ADCY5: variants seen among roughly 807,000 people sequenced by gnomAD.
The protein encoded by ADCY5 is adenylate cyclase 5.
Under a neutral mutation model 119.7 loss-of-function variants are expected in ADCY5, and 30 were observed. That is an observed-to-expected ratio of 0.25 (90% confidence interval 0.19 to 0.34). The LOEUF (loss-of-function observed/expected upper bound fraction) is 0.34. Among genes scored for constraint, ADCY5 ranks in the 10% least tolerant of loss-of-function variants. The probability of loss-of-function intolerance (pLI) is 1.00; values close to 1 mark genes in which losing one functional copy is unlikely to be tolerated. For missense variants in ADCY5, 1,324 were observed against 1,775.2 expected (o/e 0.75, Z 4.57); for synonymous variants, 753 against 762.2 (o/e 0.99, Z 0.20).
Position 123,296,183 on chromosome 3 carries a change from C to A in ADCY5, c.2964G>T (p.Val988=), listed in dbSNP as rs768701782. Residue 988 remains valine (V), a synonymous_variant, in exon 17 of 21, where the codon GTG becomes GTT. Transcript: ENST00000462833. ...AGACTGAGATGATGATGGGCGTCAC[C>A]ACCTTCAATGCCACCTTGGTTGCAT... The part of the protein sequence containing the change: ...PEHATKVALK[V]VTPIIISVFV... 2.5e-6 allele frequency: 4 copies of A among 1,613,944 alleles called. No homozygotes were observed. The highest frequency in any genetic ancestry group is 2.2e-5 in the South Asian group (2 of 91,072).
Position 123,374,802 on chromosome 3 carries a change from A to G in ADCY5, c.1135-22221T>C, listed in dbSNP as rs557803365. ...GAGGGATGAATCCAATAGATTCTAT[A>G]AGGGAAGTACTGGCAAGATTTGGGA... is the stretch of plus-strand genomic sequence containing the variant. On this transcript the variant is annotated intron_variant, in intron 1 of 20. Transcript: ENST00000462833. Among the ~76,000 whole-genome samples, 3 of 152,312 alleles carry G rather than the reference A, an allele frequency of 2.0e-5. No individual in the cohort carries two copies. In the East Asian group the frequency reaches 5.8e-4, roughly 29 times the overall value.
chr3:123,345,908 A>T (rs1372402428), intron 3 of ADCY5, among the ~76,000 whole-genome samples: 1 of 152,150 alleles, frequency 6.6e-6, no homozygotes, highest in Non-Finnish European at 1.5e-5. Flanking sequence ...GGCACGTAAA[A>T]ACATCTGTCT....
intron 1 of ADCY5, among the ~76,000 whole-genome samples, chr3:123,365,667 G>T (rs1943412342): frequency 6.6e-6 from 1 of 152,220 alleles, no homozygotes; most frequent in Non-Finnish European, 1.5e-5. Context: ...GCAAGAGTAG[G>T]AAAGTCAACA....
rs561841521 is a variant in ADCY5, at chr3:123,372,212, G to A, written c.1135-19631C>T. On this transcript the variant is annotated intron_variant, in intron 1 of 20. Transcript: ENST00000462833. ...TCGAGGGCCCTAAACATTGATGCTCGTAATCCTAGCTGCCAAAGGACAGGC... is the reference window on the plus strand; with the variant it reads ...TCGAGGGCCCTAAACATTGATGCTCATAATCCTAGCTGCCAAAGGACAGGC... Among the ~76,000 whole-genome samples, 43 of 152,142 alleles carry A rather than the reference G, an allele frequency of 2.8e-4. No individual in the cohort carries two copies. In the South Asian group the frequency reaches 8.3e-3, roughly 29 times the overall value.
intron 1 of ADCY5, among the ~76,000 whole-genome samples, chr3:123,373,001 A>G (rs532560685): frequency 6.6e-6 from 1 of 152,318 alleles, no homozygotes; most frequent in South Asian, 2.1e-4. Context: ...TGGCAATGCA[A>G]CACTCAACCA....
At chr3:123,369,618 G>C (rs1943564374) in intron 1 of ADCY5, among the ~76,000 whole-genome samples, 1 of 152,192 alleles carries the variant, frequency 6.6e-6, no homozygotes, top group Non-Finnish European at 1.5e-5. Context: ...CCCCAGAAGA[G>C]ATTGAGTCTA....
chr3:123,396,799 C>CG lies in ADCY5; in HGVS notation c.1135-44219_1135-44218insC, dbSNP rs1224492813. On this transcript the variant is annotated intron_variant, in intron 1 of 20. Transcript: ENST00000462833. Reference sequence around the variant, plus strand: ...GAAGGAAGGCAGGCAGGCAGGCAGGCAGGCAGGCAGGCAGGCAGGCGAGAG... The same window carrying CG: ...GAAGGAAGGCAGGCAGGCAGGCAGGCGAGGCAGGCAGGCAGGCAGGCGAGAG... Among the ~76,000 whole-genome samples, 764 of 92,272 alleles carry CG rather than the reference C, an allele frequency of 8.3e-3. 26 individuals are homozygous for CG. Among genetic ancestry groups the CG allele is most frequent in the African/African-American group, 0.025 (718 of 28,698 alleles). 60.5% of individuals were successfully genotyped at this position (92,272 alleles called of 152,430 possible). A position where few individuals can be genotyped will look rare whatever the true frequency, so the allele number is the denominator to read the frequency against.
rs936877089 is a variant in ADCY5 at position 123,424,665 on chromosome 3, C to T, written c.1134+22747G>A. On this transcript the variant is annotated intron_variant, in intron 1 of 20. Transcript: ENST00000462833. Reference sequence around the variant, plus strand: ...TTCCTCCAGCCTTACCCAGAATGACCGTCCTCCTGATGGCTTCTCCTTCTC... The same window carrying T: ...TTCCTCCAGCCTTACCCAGAATGACTGTCCTCCTGATGGCTTCTCCTTCTC... Among the ~76,000 whole-genome samples, 7 of 152,160 alleles carry T rather than the reference C, an allele frequency of 4.6e-5. No individual in the cohort carries two copies. In the East Asian group the frequency reaches 7.7e-4, roughly 17 times the overall value.
chr3:123,325,970 T>G (rs1311755300), intron 7 of ADCY5, among the ~76,000 whole-genome samples: 1 of 152,172 alleles, frequency 6.6e-6, no homozygotes, highest in Non-Finnish European at 1.5e-5. Flanking sequence ...ACTTGGTCCC[T>G]GGCAGGCTGT....
intron 1 of ADCY5, among the ~76,000 whole-genome samples, chr3:123,368,699 T>C (rs916669269): frequency 6.0e-5 from 9 of 150,768 alleles, no homozygotes; most frequent in African/African-American, 2.2e-4. Context: ...TTGCAGTGAG[T>C]TTAGATGGTG....
Position 123,282,861 on chromosome 3 carries a change from C to A in ADCY5, c.*1747G>T, listed in dbSNP as rs1454432682. The A allele has an allele frequency of 1.3e-5, 2 of 152,136 alleles. No individual in the cohort carries two copies. 9.4% of individuals were successfully genotyped at this position (152,136 alleles called of 1,614,324 possible). A position where few individuals can be genotyped will look rare whatever the true frequency, so the allele number is the denominator to read the frequency against. ...AGCTGGCACAGAGCCACTGCCTCAT[C>A]ACCTCCAAGCTCATGTTGGAGGTGA... On this transcript the variant is annotated 3_prime_UTR_variant, in exon 21 of 21. Coordinates refer to ENST00000462833, the MANE Select transcript of ADCY5 (RefSeq NM_183357.3).
intron 1 of ADCY5, among the ~76,000 whole-genome samples, chr3:123,414,562 A>G (rs1365592488): frequency 6.6e-6 from 1 of 151,134 alleles, no homozygotes; most frequent in East Asian, 1.9e-4. Flanking sequence ...CTTATGGCTT[A>G]CCTTTTTTTT....
intron 3 of ADCY5, among the ~76,000 whole-genome samples, chr3:123,343,586 T>C (rs1942384256): frequency 6.6e-6 from 1 of 152,134 alleles, no homozygotes; most frequent in Non-Finnish European, 1.5e-5. Flanking sequence ...GTATGGCGCC[T>C]TCTCTGGCTG....
intron 1 of ADCY5, among the ~76,000 whole-genome samples, chr3:123,359,271 A>G (rs1232322292): frequency 6.7e-6 from 1 of 148,644 alleles, no homozygotes; most frequent in African/African-American, 2.5e-5. Flanking sequence ...CAGACAAACA[A>G]CACGTACATC....
intron 3 of ADCY5, among the ~76,000 whole-genome samples, chr3:123,338,261 A>G (rs1576593012): frequency 6.6e-6 from 1 of 152,318 alleles, no homozygotes; most frequent in East Asian, 1.9e-4. Flanking sequence ...AGGTGTGCGG[A>G]AACCCAGGCA....
chr3:123,283,463 GGTGTGTGCATGTGTGTACATAC>G lies in ADCY5; in HGVS notation c.*1123_*1144del, dbSNP rs1938504792. The G allele has an allele frequency of 6.6e-6, 1 of 152,268 alleles. No individual in the cohort carries two copies. The highest frequency in any genetic ancestry group is 2.4e-5 in the African/African-American group (1 of 41,502). 9.4% of individuals were successfully genotyped at this position (152,268 alleles called of 1,614,324 possible). A position where few individuals can be genotyped will look rare whatever the true frequency, so the allele number is the denominator to read the frequency against. On this transcript the variant is annotated 3_prime_UTR_variant, in exon 21 of 21. Coordinates refer to ENST00000462833, the MANE Select transcript of ADCY5 (RefSeq NM_183357.3). ...TCTGCGTTTTGCTTAGGGGAAGGAG[GGTGTGTGCATGTGTGTACATAC>G]GTGTGCGTGTGTCAGAAAAGATGGG...
chr3:123,289,372 C>G (rs1938992392), intron 19 of ADCY5, among the ~76,000 whole-genome samples: 1 of 152,214 alleles, frequency 6.6e-6, no homozygotes, highest in Non-Finnish European at 1.5e-5. Context: ...ATCTGCTGTG[C>G]TACAACCACC....
intron 2 of ADCY5, among the ~76,000 whole-genome samples, chr3:123,349,066 T>C (rs1262873927): frequency 1.3e-5 from 2 of 152,156 alleles, no homozygotes; most frequent in East Asian, 1.9e-4. Context: ...TAGAGGTGGC[T>C]ATATCAGCCA....
chr3:123,325,761 C>T lies in ADCY5; in HGVS notation c.1948-299G>A, dbSNP rs544510153. ...GAACATCTGCCATTTGCAAGGAGTT[C>T]TCCCTGTAAGTTCGACTGTAAGATT... On this transcript the variant is annotated intron_variant, in intron 7 of 20. Transcript: ENST00000462833. Among the ~76,000 whole-genome samples the T allele has an allele frequency of 1.1e-4, 17 of 152,362 alleles. No homozygotes were observed. In the South Asian group the frequency reaches 3.5e-3, roughly 32 times the overall value.
Sources: allele counts gnomAD v4.1 joint callset (sites outside exome capture counted in the v4.1 genomes callset), GRCh38; gene constraint gnomAD v4.1.1; transcripts MANE v1.5; gene names NCBI Gene and HGNC (gene_info 2026-07-23, HGNC 2026-07-21).